The following FGF12 variants were observed in gnomAD, a reference collection of about 807,000 sequenced individuals.
The protein encoded by FGF12 is fibroblast growth factor 12.
In FGF12, 14 loss-of-function variants were observed where a neutral mutation model predicts 23.6. The observed-to-expected ratio is 0.59, with a 90% CI of 0.39 to 0.93. The LOEUF (loss-of-function observed/expected upper bound fraction) is 0.93, where lower values mean the gene tolerates loss of function less well. Ranked by LOEUF, FGF12 falls within the 40% of genes least tolerant of loss-of-function variation. The pLI, the probability that FGF12 is intolerant of heterozygous loss-of-function variation, is 0.00. For missense variants in FGF12, 175 were observed against 217.8 expected, an observed-to-expected ratio of 0.80 and a Z score of 1.24; for synonymous variants, 62 against 77.3, an observed-to-expected ratio of 0.80 and a Z score of 1.04.
At chr3:192,623,646 G>A (rs1715054973) in intron 2 of FGF12, among the ~76,000 whole-genome samples, 1 of 152,162 alleles carries the variant, frequency 6.6e-6, no homozygotes, top group Admixed American at 6.5e-5. Context: ...TCATACGTTT[G>A]CCTACAGTAG....
Position 192,143,630 on chromosome 3 carries a change from G to C in FGF12, c.*379C>G, listed in dbSNP as rs2108575821. On this transcript the variant is annotated 3_prime_UTR_variant, in exon 6 of 6. Transcript: ENST00000445105. Reference sequence around the variant, plus strand: ...TATTGAGTATATAACATCAGTTTGTGAGTTCAATTCTCCAAATCCTTTCCT... The same window carrying C: ...TATTGAGTATATAACATCAGTTTGTCAGTTCAATTCTCCAAATCCTTTCCT... The C allele has an allele frequency of 6.1e-6, 1 of 164,228 alleles. No individual in the cohort carries two copies. Among genetic ancestry groups the C allele is most frequent in the South Asian group, 1.8e-4 (1 of 5,542 alleles). The allele number at this position is 164,228 out of a possible 1,614,324, so 10.2% of individuals were successfully genotyped here.
chr3:192,307,168 T>G lies in FGF12; in HGVS notation c.228+28193A>C, dbSNP rs572042144. ...TGGAAGACAAATATATAGATAGACATGGATATGGATAATGATTGAGGTAAG... is the reference window on the plus strand; with the variant it reads ...TGGAAGACAAATATATAGATAGACAGGGATATGGATAATGATTGAGGTAAG... On this transcript the variant is annotated intron_variant, in intron 4 of 5. Transcript: ENST00000445105. Among the ~76,000 whole-genome samples the G allele has an allele frequency of 3.2e-4, 49 of 152,278 alleles. 1 individual carries two copies. Among genetic ancestry groups the G allele is most frequent in the Admixed American group, 2.9e-3 (45 of 15,300 alleles).
intron 2 of FGF12, among the ~76,000 whole-genome samples, chr3:192,583,867 A>G (rs1713261402): frequency 6.6e-6 from 1 of 152,160 alleles, no homozygotes; most frequent in Admixed American, 6.5e-5. Context: ...TTCTCTGTTA[A>G]TTTAAATCCT....
At chr3:192,571,644 T>C (rs1468995239) in intron 2 of FGF12, among the ~76,000 whole-genome samples, 1 of 152,240 alleles carries the variant, frequency 6.6e-6, no homozygotes, top group Non-Finnish European at 1.5e-5. Flanking sequence ...CTTTTGAATC[T>C]GTCCTGTGTC....
chr3:192,202,188 T>G (rs1369570328), intron 4 of FGF12, among the ~76,000 whole-genome samples: 2 of 151,922 alleles, frequency 1.3e-5, no homozygotes, highest in African/African-American at 2.4e-5. Context: ...AAAGTTCCAA[T>G]GCAGAAGGAA....
intron 3 of FGF12, among the ~76,000 whole-genome samples, chr3:192,358,690 C>T (rs1281788529): frequency 6.6e-6 from 1 of 152,190 alleles, no homozygotes; most frequent in East Asian, 1.9e-4. Flanking sequence ...CACTTCTACC[C>T]TTCTGTCTCT....
chr3:192,577,058 G>A (rs1449006532), intron 2 of FGF12, among the ~76,000 whole-genome samples: 2 of 152,244 alleles, frequency 1.3e-5, no homozygotes, highest in East Asian at 1.9e-4. Flanking sequence ...CCTGTCGGCG[G>A]GTGGGGGACT....
At chr3:192,414,785 A>G (rs767167691) in intron 2 of FGF12, among the ~76,000 whole-genome samples, 12 of 152,176 alleles carry the variant, frequency 7.9e-5, no homozygotes, top group Non-Finnish European at 1.3e-4. Context: ...ACTTCCATTC[A>G]CTAGCTTCTA....
chr3:192,648,423 C>T (rs1306273071), intron 2 of FGF12, among the ~76,000 whole-genome samples: 1 of 151,730 alleles, frequency 6.6e-6, no homozygotes, highest in African/African-American at 2.4e-5. Flanking sequence ...TGATTGTCTC[C>T]CCCACGATAT....
intron 3 of FGF12, among the ~76,000 whole-genome samples, chr3:192,349,044 C>A (rs568006272): frequency 6.6e-6 from 1 of 152,160 alleles, no homozygotes; most frequent in South Asian, 2.1e-4. Context: ...ATATGTAGTT[C>A]TTCTTTATGC....
intron 3 of FGF12, 148 bp from the exon 4 acceptor site, chr3:192,335,612 G>A (rs1246790666): frequency 1.6e-6 from 1 of 614,702 alleles, no homozygotes; most frequent in African/African-American, 1.9e-5. Context: ...AAAAACGAGA[G>A]AAATTGACTT....
At chr3:192,614,486 G>A (rs1293489126) in intron 2 of FGF12, among the ~76,000 whole-genome samples, 2 of 151,836 alleles carry the variant, frequency 1.3e-5, no homozygotes, top group Admixed American at 1.3e-4. Context: ...AAGAAAAAAA[G>A]AAACTATTTC....
intron 2 of FGF12, among the ~76,000 whole-genome samples, chr3:192,674,542 G>A (rs1717252952): frequency 6.6e-6 from 1 of 152,118 alleles, no homozygotes; most frequent in African/African-American, 2.4e-5. Context: ...ACTGCATAAG[G>A]GAGATGAGAG....
rs1232746518 is a variant in FGF12, at chr3:192,520,551, C to T, written c.14-160013G>A. On this transcript the variant is annotated intron_variant, in intron 2 of 5. Transcript: ENST00000445105. The stretch of plus-strand genomic sequence containing the variant: ...GTGACTTAGGTTGCTTCTTTACTTG[C>T]CCATCCTCTTCAGTGTGGTTTGGTT... Among the ~76,000 whole-genome samples the T allele has an allele frequency of 5.9e-5, 9 of 152,150 alleles. No homozygotes were observed. In the East Asian group the frequency reaches 1.7e-3, roughly 29 times the overall value.
chr3:192,516,098 G>T (rs1724659228), intron 2 of FGF12, among the ~76,000 whole-genome samples: 1 of 151,604 alleles, frequency 6.6e-6, no homozygotes, highest in African/African-American at 2.4e-5. Context: ...ATCTTTAAAA[G>T]AAAGTTAAAG....
chr3:192,209,204 C>T (rs1190142825), intron 4 of FGF12, among the ~76,000 whole-genome samples: 3 of 152,186 alleles, frequency 2.0e-5, no homozygotes, highest in African/African-American at 7.2e-5. Context: ...TTCTCCCCTA[C>T]TTCTTCCAGC....
intron 4 of FGF12, among the ~76,000 whole-genome samples, chr3:192,225,435 C>A (rs771896980): frequency 1.3e-5 from 2 of 152,054 alleles, no homozygotes; most frequent in African/African-American, 2.4e-5. Context: ...ATTCTTAATG[C>A]ATAATTATAA....
chr3:192,368,906 C>T (rs961715620), intron 2 of FGF12, among the ~76,000 whole-genome samples: 3 of 152,164 alleles, frequency 2.0e-5, no homozygotes, highest in Non-Finnish European at 1.5e-5. Flanking sequence ...CTGAAAAGCA[C>T]AACCCCTGCC....
At chr3:192,248,977 A>G (rs1306834802) in intron 4 of FGF12, among the ~76,000 whole-genome samples, 10 of 152,144 alleles carry the variant, frequency 6.6e-5, no homozygotes, top group African/African-American at 1.9e-4. Context: ...TAGTTTTAAC[A>G]ACTGTTTTGG....
Sources: gnomAD v4.1 joint callset for allele counts (sites outside exome capture counted in the v4.1 genomes callset) on GRCh38, gnomAD v4.1.1 for gene constraint, MANE v1.5 for transcripts, NCBI Gene and HGNC (gene_info 2026-07-23, HGNC 2026-07-21) for gene names.